MYCBP2: variants seen among roughly 807,000 people sequenced by gnomAD.
The protein encoded by MYCBP2 is MYC binding protein 2.
In MYCBP2, 120 loss-of-function variants were observed where a neutral mutation model predicts 525.3. The ratio of observed to expected loss-of-function variants is 0.23; its 90% CI spans 0.20 to 0.27. The LOEUF is 0.27. MYCBP2 is among the 10% of genes least tolerant of loss of function. The pLI, the probability that MYCBP2 is intolerant of heterozygous loss-of-function variation, is 1.00. For missense variants in MYCBP2, 4,149 were observed against 5,657.1 expected (o/e 0.73, Z 8.55); for synonymous variants, 1,894 against 1,955.8 (o/e 0.97, Z 0.83).
In MYCBP2 at chr13:77,235,343, A is replaced by C. The variant is rs1213559411; in HGVS notation, c.2630-2080T>G. 2.0e-5 allele frequency among the ~76,000 whole-genome samples: 3 copies of C among 152,086 alleles called. No individual in the cohort carries two copies. The East Asian group carries it at 5.8e-4, about 29-fold the overall frequency. ...AATGACAAAAAGTTTAACAAGAGAA[A>C]AGGAAAGGAAGAGAGGGCATTCCAG... On this transcript the variant is annotated intron_variant, in intron 17 of 82. Transcript: ENST00000544440.
At chr13:77,250,827 T>C (rs2071079995) in intron 15 of MYCBP2, among the ~76,000 whole-genome samples, 1 of 152,160 alleles carries the variant, frequency 6.6e-6, no homozygotes, top group Admixed American at 6.5e-5. Context: ...ATATAATAGA[T>C]ATCTAGCATT....
At chr13:77,239,469 G>A (rs1414310594) in intron 17 of MYCBP2, among the ~76,000 whole-genome samples, 1 of 152,178 alleles carries the variant, frequency 6.6e-6, no homozygotes. Flanking sequence ...CACTGTGCAA[G>A]TGACTCAGAT....
At chr13:77,163,017 T>C (rs966992357) in intron 43 of MYCBP2, among the ~76,000 whole-genome samples, 2 of 152,276 alleles carry the variant, frequency 1.3e-5, no homozygotes, top group Non-Finnish European at 1.5e-5. Context: ...TCAATATAAT[T>C]TGGACAGCTT....
At chr13:77,133,037 G>A (rs1387963212) in intron 52 of MYCBP2, among the ~76,000 whole-genome samples, 2 of 152,054 alleles carry the variant, frequency 1.3e-5, no homozygotes, top group Non-Finnish European at 2.9e-5. Flanking sequence ...TTATCTTTCT[G>A]TAGTTTGGCA....
At chr13:77,257,862 C>A in intron 13 of MYCBP2, 33 bp from the exon 14 acceptor site, 1 of 1,566,374 alleles carries the variant, frequency 6.4e-7, no homozygotes. Flanking sequence ...GTAAAAACAA[C>A]AAAAAGGCCC....
chr13:77,234,823 T>C (rs1462196083), intron 17 of MYCBP2, among the ~76,000 whole-genome samples: 9 of 126,338 alleles, frequency 7.1e-5, no homozygotes, highest in Non-Finnish European at 1.2e-4. Flanking sequence ...AAAAAAGTTA[T>C]AGATATTAAG....
intron 66 of MYCBP2, chr13:77,077,665 A>C: frequency 3.2e-6 from 1 of 314,754 alleles, no homozygotes; most frequent in Non-Finnish European, 5.8e-6. Context: ...CCTGACTACG[A>C]TATGGCTTCC....
At chr13:77,260,158 G>A (rs1188076075) in intron 13 of MYCBP2, among the ~76,000 whole-genome samples, 1 of 152,176 alleles carries the variant, frequency 6.6e-6, no homozygotes, top group Non-Finnish European at 1.5e-5. Context: ...ATAAGCACCT[G>A]AGTCTAGGGA....
intron 55 of MYCBP2, chr13:77,118,442 C>A (rs1294829136): frequency 2.6e-6 from 2 of 764,694 alleles, no homozygotes; most frequent in Non-Finnish European, 4.8e-6. Flanking sequence ...ATGGAAGGAG[C>A]TGGGAGATTG....
intron 80 of MYCBP2, among the ~76,000 whole-genome samples, chr13:77,055,019 C>T (rs539036352): frequency 5.3e-5 from 8 of 151,712 alleles, no homozygotes; most frequent in African/African-American, 1.7e-4. Flanking sequence ...GGGTCATAAA[C>T]ATATACATGG....
At chr13:77,195,314 A>C (rs139261875) in intron 26 of MYCBP2, among the ~76,000 whole-genome samples, 4 of 152,272 alleles carry the variant, frequency 2.6e-5, no homozygotes, top group African/African-American at 9.6e-5. Flanking sequence ...AGTCTGAAAT[A>C]GGCCAGGCCT....
At chr13:77,229,782 G>A (rs2066879306) in intron 18 of MYCBP2, among the ~76,000 whole-genome samples, 1 of 152,140 alleles carries the variant, frequency 6.6e-6, no homozygotes, top group Non-Finnish European at 1.5e-5. Context: ...AAATAAAATT[G>A]AAGCCTAATT....
chr13:77,309,142 T>A (rs995347918), intron 1 of MYCBP2, among the ~76,000 whole-genome samples: 1 of 152,224 alleles, frequency 6.6e-6, no homozygotes, highest in Non-Finnish European at 1.5e-5. Context: ...TTAAACATTA[T>A]TAAACACTAT....
chr13:77,240,058 A>G (rs2068576573), intron 17 of MYCBP2, among the ~76,000 whole-genome samples: 1 of 152,184 alleles, frequency 6.6e-6, no homozygotes, highest in Admixed American at 6.5e-5. Context: ...TTCTTGTTTT[A>G]TCTCTATGGA....
At position 77,263,652 on chromosome 13, in the gene MYCBP2, T is replaced by G; in HGVS notation, c.1569A>C (p.Ile523=). 6.2e-7 allele frequency: 1 copy of G among 1,609,412 alleles called. No homozygotes were observed. Among genetic ancestry groups the G allele is most frequent in the Non-Finnish European group, 8.5e-7 (1 of 1,177,766 alleles). ...LFDLEKDLHI[I]STGFDEESAI... ...AAAACACTTAATTTGCTATCTTACT[T>G]ATAATATGCAAGTCCTTTTCCAGAT... The change falls in exon 10 of 83, where the codon ATA becomes ATC. Residue 523 remains isoleucine, a splice_region_variant and synonymous_variant. Coordinates refer to ENST00000544440, the MANE Select transcript of MYCBP2 (RefSeq NM_015057.5).
intron 26 of MYCBP2, among the ~76,000 whole-genome samples, chr13:77,202,127 A>T (rs1393055948): frequency 1.3e-5 from 2 of 152,212 alleles, no homozygotes; most frequent in African/African-American, 4.8e-5. Context: ...GGATCAACAA[A>T]ATTGATAGAC....
intron 81 of MYCBP2, 49 bp from the exon 82 acceptor site, chr13:77,051,211 C>A: frequency 6.6e-7 from 1 of 1,522,764 alleles, no homozygotes. Flanking sequence ...GAGACTATTT[C>A]AATCACACTT....
intron 79 of MYCBP2, among the ~76,000 whole-genome samples, chr13:77,056,102 GTGTGT>G (rs1566301695): frequency 0.02 from 1,014 of 50,976 alleles, 12 homozygotes; most frequent in African/African-American, 0.046. Flanking sequence ...TGTGTTTGGT[GTGTGT>G]GTGTGTGTGT....
intron 7 of MYCBP2, 38 bp downstream of exon 7, chr13:77,269,954 G>C: frequency 2.1e-6 from 3 of 1,461,444 alleles, no homozygotes; most frequent in Non-Finnish European, 2.8e-6. Flanking sequence ...TGTTGTAAAA[G>C]ATAAGAAAAT....
Sources: gnomAD v4.1 joint callset for allele counts (sites outside exome capture counted in the v4.1 genomes callset) on GRCh38, gnomAD v4.1.1 for gene constraint, MANE v1.5 for transcripts, NCBI Gene and HGNC (gene_info 2026-07-23, HGNC 2026-07-21) for gene names.